PDE3B: variants seen among roughly 807,000 people sequenced by gnomAD.
PDE3B encodes the protein phosphodiesterase 3B, also known as cGMP-inhibited 3',5'-cyclic phosphodiesterase 3B.
PDE3B carries 66 observed loss-of-function variants against 116.8 expected under a neutral mutation model. The observed-to-expected ratio is 0.56, with a 90% CI of 0.46 to 0.69. The LOEUF is 0.69. Ranked by LOEUF, PDE3B falls within the 30% of genes least tolerant of loss-of-function variation. PDE3B has a pLI of 0.00. For synonymous variants in PDE3B, 595 were observed against 533.6 expected, an observed-to-expected ratio of 1.12 and a Z score of -1.59; for missense variants, 1,384 against 1,368.1, an observed-to-expected ratio of 1.01 and a Z score of -0.18.
chr11:14,644,374 G>A lies in PDE3B; in HGVS notation c.299G>A (p.Ser100Asn), dbSNP rs766926055. The stretch of plus-strand genomic sequence containing the variant: ...CTGCTGCTGGGCGCGGAACCCGAGA[G>A]CTGGGCTGCCGGGGCCGCCTGGCTG... ...LALLLGAEPE[S>N]WAAGAAWLRT... is the part of the protein sequence containing the mutation. Residue 100 changes from serine to asparagine, a missense_variant, in exon 1 of 16, where the codon AGC becomes AAC. Physicochemically the swap from Ser to Asn is conservative, Grantham distance 46 (BLOSUM62 1). This residue lies in a region of PDE3B where 956 missense variants were observed against 806.8 expected (regional missense o/e 1.18). Transcript: ENST00000282096. The A allele has an allele frequency of 6.3e-6, 10 of 1,599,438 alleles. No homozygotes were observed. In the Admixed American group the frequency reaches 1.4e-4, roughly 22 times the overall value.
chr11:14,780,607 G>A (rs985384864), intron 2 of PDE3B, among the ~76,000 whole-genome samples: 1 of 152,038 alleles, frequency 6.6e-6, no homozygotes, highest in Non-Finnish European at 1.5e-5. Context: ...AAGATGGTCT[G>A]TGAAACCAAC....
intron 1 of PDE3B, among the ~76,000 whole-genome samples, chr11:14,656,463 G>A (rs554393307): frequency 1.3e-5 from 2 of 152,210 alleles, no homozygotes; most frequent in East Asian, 3.9e-4. Context: ...AAAGAACTGT[G>A]GGTGGAGATG....
intron 12 of PDE3B, among the ~76,000 whole-genome samples, chr11:14,857,504 C>T (rs1363180654): frequency 6.6e-6 from 1 of 152,136 alleles, no homozygotes; most frequent in Non-Finnish European, 1.5e-5. Context: ...GAACCCCTTC[C>T]ACTTACTCTT....
chr11:14,764,561 C>T (rs1351102729), intron 1 of PDE3B, among the ~76,000 whole-genome samples: 1 of 152,012 alleles, frequency 6.6e-6, no homozygotes, highest in Non-Finnish European at 1.5e-5. Flanking sequence ...ATATAAGATG[C>T]TACAGCATAA....
rs544022779 is a variant in PDE3B at position 14,742,550 on chromosome 11, C to G, written c.979-29387C>G. On this transcript the variant is annotated intron_variant, in intron 1 of 15. Transcript: ENST00000282096. The stretch of plus-strand genomic sequence containing the variant: ...AGGACATGCTCCTTTAGCTCAGAAT[C>G]GTTTGTTATTACCCACCTTCTGAAG... Among the ~76,000 whole-genome samples, 133 of 152,176 alleles carry G rather than the reference C, an allele frequency of 8.7e-4. No individual in the cohort carries two copies. In the South Asian group the frequency reaches 8.9e-3, roughly 10 times the overall value.
intron 1 of PDE3B, among the ~76,000 whole-genome samples, chr11:14,715,499 G>C (rs897162576): frequency 1.3e-5 from 2 of 152,096 alleles, no homozygotes; most frequent in African/African-American, 4.8e-5. Context: ...TGGATTCCTA[G>C]GTATTTTATT....
At chr11:14,739,986 C>T (rs1193224264) in intron 1 of PDE3B, among the ~76,000 whole-genome samples, 4 of 151,974 alleles carry the variant, frequency 2.6e-5, no homozygotes, top group Admixed American at 6.6e-5. Context: ...TTTTTGATGT[C>T]CTGCTGGATT....
intron 1 of PDE3B, among the ~76,000 whole-genome samples, chr11:14,684,586 C>T (rs1854811735): frequency 6.6e-6 from 1 of 152,118 alleles, no homozygotes; most frequent in Non-Finnish European, 1.5e-5. Context: ...CTGGTCTGAC[C>T]TCAAATTCAC....
At chr11:14,726,828 A>T (rs1856319366) in intron 1 of PDE3B, among the ~76,000 whole-genome samples, 1 of 152,300 alleles carries the variant, frequency 6.6e-6, no homozygotes, top group African/African-American at 2.4e-5. Context: ...CTGGAGTATG[A>T]CAGGTGAGGT....
chr11:14,673,479 T>G (rs1435916185), intron 1 of PDE3B: 2 of 289,610 alleles, frequency 6.9e-6, no homozygotes, highest in Admixed American at 8.8e-5. Flanking sequence ...AAACATCAGT[T>G]GTTACACACT....
chr11:14,846,586 A>T (rs1042097888), intron 12 of PDE3B, among the ~76,000 whole-genome samples: 8 of 152,240 alleles, frequency 5.3e-5, no homozygotes, highest in Non-Finnish European at 1.0e-4. Flanking sequence ...TGCTGTATTC[A>T]GGAAACCCAT....
At chr11:14,715,933 G>A (rs1260175455) in intron 1 of PDE3B, among the ~76,000 whole-genome samples, 2 of 152,202 alleles carry the variant, frequency 1.3e-5, no homozygotes, top group South Asian at 2.1e-4. Flanking sequence ...TGGCCGAATA[G>A]GAACAGCTCC....
chr11:14,697,464 C>G (rs1221613409), intron 1 of PDE3B, among the ~76,000 whole-genome samples: 3 of 152,018 alleles, frequency 2.0e-5, no homozygotes, highest in African/African-American at 7.2e-5. Context: ...TCTATTTATG[C>G]ATTCTTTGGT....
intron 1 of PDE3B, among the ~76,000 whole-genome samples, chr11:14,715,277 T>G (rs913065287): frequency 6.6e-6 from 1 of 152,168 alleles, no homozygotes; most frequent in Non-Finnish European, 1.5e-5. Flanking sequence ...TTTAAAGTAG[T>G]TTTTTCCAAT....
At chr11:14,660,685 T>A (rs1454484704) in intron 1 of PDE3B, among the ~76,000 whole-genome samples, 1 of 152,140 alleles carries the variant, frequency 6.6e-6, no homozygotes, top group East Asian at 1.9e-4. Context: ...CTTACATTAG[T>A]CTTTAGGGCT....
chr11:14,649,703 T>G (rs1853512712), intron 1 of PDE3B, among the ~76,000 whole-genome samples: 1 of 152,212 alleles, frequency 6.6e-6, no homozygotes, highest in South Asian at 2.1e-4. Context: ...CTGATACAGT[T>G]ATTTCAGAGT....
chr11:14,894,859 C>T, the PDE3B span, among the ~76,000 whole-genome samples: 1 of 152,174 alleles, frequency 6.6e-6, no homozygotes, highest in African/African-American at 2.4e-5. Context: ...TTGTCTATGG[C>T]TTTTATCATG....
chr11:14,740,499 T>G (rs1290605832), intron 1 of PDE3B, among the ~76,000 whole-genome samples: 1 of 152,224 alleles, frequency 6.6e-6, no homozygotes, highest in Non-Finnish European at 1.5e-5. Context: ...TCTTTTCATC[T>G]TTATTAGTCT....
At chr11:14,877,905 C>G in the PDE3B span, 1 of 546,418 alleles carries the variant, frequency 1.8e-6, no homozygotes, top group South Asian at 2.6e-5. Context: ...ACCTTTGTGT[C>G]TCTCAACAGA....
Sources: allele counts gnomAD v4.1 joint callset (sites outside exome capture counted in the v4.1 genomes callset), GRCh38; gene constraint gnomAD v4.1.1; regional missense constraint gnomAD v4.1.1; transcripts MANE v1.5; gene names NCBI Gene and HGNC (gene_info 2026-07-23, HGNC 2026-07-21).